SCN1A: variants seen among roughly 807,000 people sequenced by gnomAD.
SCN1A encodes sodium channel protein type 1 subunit alpha.
SCN1A carries 13 observed loss-of-function variants against 193.7 expected under a neutral mutation model. The ratio of observed to expected loss-of-function variants is 0.07; its 90% CI spans 0.04 to 0.11. SCN1A has a LOEUF of 0.11. Ranked by LOEUF, SCN1A falls within the 10% of genes least tolerant of loss-of-function variation. The probability of loss-of-function intolerance (pLI) is 1.00; values close to 1 mark genes in which losing one functional copy is unlikely to be tolerated. For missense variants in SCN1A, 1,432 were observed against 2,451.1 expected, an observed-to-expected ratio of 0.58 and a Z score of 8.78; for synonymous variants, 781 against 843.6, an observed-to-expected ratio of 0.93 and a Z score of 1.29.
At chr2:166,081,755 C>T (rs927814703) in intron 2 of SCN1A, 3 of 151,916 alleles carry the variant, frequency 2.0e-5, no homozygotes, top group Non-Finnish European at 2.9e-5. Flanking sequence ...GAAATTCCCC[C>T]TCCTCACTCC....
At chr2:166,108,048 A>G (rs1688882096) in intron 2 of SCN1A, among the ~76,000 whole-genome samples, 1 of 152,068 alleles carries the variant, frequency 6.6e-6, no homozygotes, top group Non-Finnish European at 1.5e-5. Context: ...CATATATCTG[A>G]TAAGCGATTG....
At chr2:166,065,134 G>T (rs1380904205) in intron 4 of SCN1A, among the ~76,000 whole-genome samples, 1 of 152,154 alleles carries the variant, frequency 6.6e-6, no homozygotes, top group Non-Finnish European at 1.5e-5. Flanking sequence ...ATCACTATGT[G>T]TAAGAAAGTG....
chr2:166,038,055 A>G lies in SCN1A; in HGVS notation c.2667T>C (p.Ala889=), dbSNP rs1206449277. The part of the protein sequence containing the change: ...LIKIIGNSVG[A]LGNLTLVLAI... ...CCAAGACGAGGGTTAAATTTCCCAG[A>G]GCCCCCACGGAATTGCCGATGATCT... The change falls in exon 18 of 29, where the codon GCT becomes GCC. Residue 889 remains alanine, a synonymous_variant. Coordinates refer to ENST00000674923, the MANE Select transcript of SCN1A (RefSeq NM_001165963.4). 3.7e-6 allele frequency: 6 copies of G among 1,614,086 alleles called. No individual in the cohort carries two copies. Among genetic ancestry groups the G allele is most frequent in the Non-Finnish European group, 5.1e-6 (6 of 1,180,036 alleles).
chr2:166,038,510 A>G (rs1220744179), intron 17 of SCN1A, among the ~76,000 whole-genome samples: 1 of 151,678 alleles, frequency 6.6e-6, no homozygotes, highest in African/African-American at 2.4e-5. Flanking sequence ...CTGGTTAAAT[A>G]TATATATAGT....
rs1161941725 is a variant in SCN1A at position 165,986,026 on chromosome 2, T to C, written c.*5219A>G. 6 of 152,132 alleles carry C rather than the reference T, an allele frequency of 3.9e-5. No homozygotes were observed. The highest frequency in any genetic ancestry group is 5.9e-5 in the Non-Finnish European group (4 of 68,016). The allele number at this position is 152,132 out of a possible 1,614,324, so 9.4% of individuals were successfully genotyped here. A position where few individuals can be genotyped will look rare whatever the true frequency, so the allele number is the denominator to read the frequency against. ...ATGGTTACTAGACTTTTGGATTTCA[T>C]GCACCAGTAAAATACAAATGGGAGG... is the stretch of plus-strand genomic sequence containing the variant. On this transcript the variant is annotated 3_prime_UTR_variant, in exon 29 of 29. Transcript: ENST00000674923.
At chr2:166,119,795 T>G (rs1403001270) in intron 2 of SCN1A, among the ~76,000 whole-genome samples, 1 of 152,166 alleles carries the variant, frequency 6.6e-6, no homozygotes, top group African/African-American at 2.4e-5. Context: ...TTCAATTGTT[T>G]CATCAATAAT....
intron 2 of SCN1A, among the ~76,000 whole-genome samples, chr2:166,096,502 G>C (rs1274325399): frequency 6.6e-6 from 1 of 152,076 alleles, no homozygotes; most frequent in Non-Finnish European, 1.5e-5. Flanking sequence ...GGCTGGTCTT[G>C]AACTCCTGAC....
intron 3 of SCN1A, chr2:166,077,158 G>A (rs1204017211): frequency 1.3e-5 from 2 of 151,648 alleles, no homozygotes; most frequent in African/African-American, 4.8e-5. Context: ...CTCAGGTGAT[G>A]ACTTTTTAGA....
intron 19 of SCN1A, chr2:166,016,516 A>T (rs1007322999): frequency 3.9e-5 from 6 of 152,040 alleles, no homozygotes; most frequent in African/African-American, 1.4e-4. Flanking sequence ...TAGTGATGGG[A>T]TGCACATTTC....
chr2:166,008,043 G>A lies in SCN1A; in HGVS notation c.4002+1676C>T, dbSNP rs1441051487. 3.3e-5 allele frequency among the ~76,000 whole-genome samples: 5 copies of A among 151,374 alleles called. No individual in the cohort carries two copies. In the East Asian group the frequency reaches 9.7e-4, roughly 29 times the overall value. ...GTGTATGTTGTCATTATGAGGAATA[G>A]AGCCATATTCATAAATCTGACCATT... On this transcript the variant is annotated intron_variant, in intron 23 of 28. Coordinates refer to ENST00000674923, the MANE Select transcript of SCN1A (RefSeq NM_001165963.4).
At chr2:166,092,362 A>G (rs1460529218) in intron 2 of SCN1A, among the ~76,000 whole-genome samples, 1 of 152,172 alleles carries the variant, frequency 6.6e-6, no homozygotes, top group Non-Finnish European at 1.5e-5. Context: ...ATTTTGAGAA[A>G]CACTGTTTTA....
intron 27 of SCN1A, among the ~76,000 whole-genome samples, chr2:165,995,714 C>T (rs1475620068): frequency 1.3e-5 from 2 of 151,738 alleles, no homozygotes; most frequent in Non-Finnish European, 3.0e-5. Flanking sequence ...GATTAACTTT[C>T]TCTTGTGCAC....
At chr2:166,029,098 G>C (rs1041161482) in intron 19 of SCN1A, among the ~76,000 whole-genome samples, 1 of 152,098 alleles carries the variant, frequency 6.6e-6, no homozygotes, top group African/African-American at 2.4e-5. Flanking sequence ...AGTATAGCTG[G>C]GTGGGGAGGT....
chr2:166,080,321 C>T (rs1275470892), intron 2 of SCN1A, among the ~76,000 whole-genome samples: 1 of 151,720 alleles, frequency 6.6e-6, no homozygotes, highest in Non-Finnish European at 1.5e-5. Context: ...AGACCTTGCT[C>T]CTTTCAAAAG....
intron 1 of SCN1A, among the ~76,000 whole-genome samples, chr2:166,142,322 T>C (rs1692122400): frequency 6.6e-6 from 1 of 152,212 alleles, no homozygotes; most frequent in South Asian, 2.1e-4. Flanking sequence ...GGGCATTGAC[T>C]GATAATAGTT....
rs563051684 is a variant in SCN1A at position 165,992,596 on chromosome 2, T to C, written c.4853-174A>G. On this transcript the variant is annotated intron_variant, in intron 28 of 28. Transcript: ENST00000674923. The surrounding 1 kb of genome is among the most constrained non-coding windows in gnomAD (Gnocchi z 6.5). The stretch of plus-strand genomic sequence containing the variant: ...ACATAATATATTATAAATCTTAATT[T>C]TGAAATTCAGCAATAATTTCAATTA... 1 of 340,222 alleles carries C rather than the reference T, an allele frequency of 2.9e-6. No individual in the cohort carries two copies. 21.1% of individuals were successfully genotyped at this position (340,222 alleles called of 1,614,324 possible).
At chr2:166,120,762 C>T (rs1690494165) in intron 2 of SCN1A, among the ~76,000 whole-genome samples, 1 of 151,614 alleles carries the variant, frequency 6.6e-6, no homozygotes, top group South Asian at 2.1e-4. Context: ...TGCAGGTGCA[C>T]ACCACCATGC....
chr2:166,088,847 G>T (rs1024595578), intron 2 of SCN1A, among the ~76,000 whole-genome samples: 1 of 152,128 alleles, frequency 6.6e-6, no homozygotes, highest in Admixed American at 6.6e-5. Flanking sequence ...GGCTGGACTG[G>T]CAGATTGGAA....
At chr2:165,999,925 A>C in intron 24 of SCN1A, 149 bp from the exon 25 acceptor site, 1 of 693,986 alleles carries the variant, frequency 1.4e-6, no homozygotes, top group Non-Finnish European at 2.6e-6. Context: ...GGACCAAGAC[A>C]GTATTTTAGT....
Sources: gnomAD v4.1 joint callset for allele counts (sites outside exome capture counted in the v4.1 genomes callset) on GRCh38, gnomAD v4.1.1 for gene constraint, Gnocchi (gnomAD v3.1) non-coding constraint, MANE v1.5 for transcripts, NCBI Gene and HGNC (gene_info 2026-07-23, HGNC 2026-07-21) for gene names.